The following LYG1 variants were observed in gnomAD, a reference collection of about 807,000 sequenced individuals.
The protein encoded by LYG1 is lysozyme g1.
LYG1 carries 17 observed loss-of-function variants against 21.7 expected under a neutral mutation model. The observed-to-expected ratio is 0.78, with a 90% confidence interval of 0.54 to 1.18. The LOEUF is 1.18. Ranked by LOEUF, LYG1 falls within the 50% of genes most tolerant of loss-of-function variation. The probability of loss-of-function intolerance (pLI) is 0.00; values close to 1 mark genes in which losing one functional copy is unlikely to be tolerated. For synonymous variants in LYG1, 81 were observed against 87.4 expected, an observed-to-expected ratio of 0.93 and a Z score of 0.41; for missense variants, 211 against 238.1, an observed-to-expected ratio of 0.89 and a Z score of 0.75.
chr2:99,303,297 A>G (rs1294942783), upstream of LYG1, among the ~76,000 whole-genome samples: 1 of 152,110 alleles, frequency 6.6e-6, no homozygotes, highest in Non-Finnish European at 1.5e-5. Flanking sequence ...ACCAACAATT[A>G]AAAGGTATTA....
At chr2:99,292,960 T>A (rs2094124520) in intron 3 of LYG1, among the ~76,000 whole-genome samples, 1 of 148,372 alleles carries the variant, frequency 6.7e-6, no homozygotes, top group African/African-American at 2.5e-5. Flanking sequence ...GAGGATTTGT[T>A]CCCTGTAAAG....
chr2:99,299,827 T>C (rs1403381009), intron 1 of LYG1, among the ~76,000 whole-genome samples: 1 of 152,026 alleles, frequency 6.6e-6, no homozygotes, highest in Non-Finnish European at 1.5e-5. Flanking sequence ...TGTTTAAGTT[T>C]TTAAATTTCT....
upstream of LYG1, among the ~76,000 whole-genome samples, chr2:99,303,736 AATCTC>A (rs2094160414): frequency 6.6e-6 from 1 of 152,134 alleles, no homozygotes; most frequent in African/African-American, 2.4e-5. Context: ...TCTCCACTGA[AATCTC>A]ATCTCAAATT....
chr2:99,287,655 TAA>T (rs1410700436), intron 5 of LYG1, among the ~76,000 whole-genome samples: 4 of 152,186 alleles, frequency 2.6e-5, no homozygotes, highest in Non-Finnish European at 5.9e-5. Context: ...TAGTTATTTT[TAA>T]GTTTCACTAT....
chr2:99,286,569 T>C (rs1317956499), intron 5 of LYG1, among the ~76,000 whole-genome samples: 1 of 151,700 alleles, frequency 6.6e-6, no homozygotes, highest in Non-Finnish European at 1.5e-5. Flanking sequence ...CCAGGTGTGG[T>C]GGTGGGCGCC....
intron 5 of LYG1, among the ~76,000 whole-genome samples, chr2:99,285,669 AG>A (rs1216030106): frequency 6.6e-6 from 1 of 152,334 alleles, no homozygotes; most frequent in African/African-American, 2.4e-5. Context: ...CTTTCCATGA[AG>A]GGATTTTCCC....
intron 3 of LYG1, among the ~76,000 whole-genome samples, chr2:99,292,935 T>G (rs1001593371): frequency 6.6e-6 from 1 of 151,954 alleles, no homozygotes; most frequent in South Asian, 2.1e-4. Context: ...AGGTGGTATC[T>G]TGGAACACAA....
At chr2:99,299,277 T>G (rs989015384) in intron 1 of LYG1, among the ~76,000 whole-genome samples, 3 of 149,452 alleles carry the variant, frequency 2.0e-5, no homozygotes, top group African/African-American at 7.3e-5. Context: ...TTTCTTTTTC[T>G]TTTTTTCTTT....
Sources: gnomAD v4.1 joint callset for allele counts (sites outside exome capture counted in the v4.1 genomes callset) on GRCh38, gnomAD v4.1.1 for gene constraint, MANE v1.5 for transcripts, NCBI Gene and HGNC (gene_info 2026-07-23, HGNC 2026-07-21) for gene names.